The following NCAM2 variants were observed in gnomAD, a reference collection of about 807,000 sequenced individuals.
NCAM2 encodes the protein N-CAM-2.
In NCAM2, 30 loss-of-function variants were observed where a neutral mutation model predicts 98.1. That is an observed-to-expected ratio of 0.31 (90% CI 0.23 to 0.41). The LOEUF (loss-of-function observed/expected upper bound fraction) is 0.41, where lower values mean the gene tolerates loss of function less well. Ranked by LOEUF, NCAM2 falls within the 10% of genes least tolerant of loss-of-function variation. NCAM2 has a pLI of 1.00. For synonymous variants in NCAM2, 368 were observed against 342.4 expected (o/e 1.07, Z -0.83); for missense variants, 867 against 1,005.8 (o/e 0.86, Z 1.87).
chr21:21,168,885 C>T (rs1838203434), intron 1 of NCAM2, among the ~76,000 whole-genome samples: 1 of 151,932 alleles, frequency 6.6e-6, no homozygotes, highest in Admixed American at 6.6e-5. Context: ...TCTATAGATT[C>T]AACATAATCT....
intron 1 of NCAM2, among the ~76,000 whole-genome samples, chr21:21,241,086 G>A (rs889495252): frequency 1.3e-5 from 2 of 152,042 alleles, no homozygotes; most frequent in Non-Finnish European, 2.9e-5. Flanking sequence ...GTATCTTGAA[G>A]ACTATAATAT....
intron 16 of NCAM2, among the ~76,000 whole-genome samples, chr21:21,531,229 T>G (rs2146418955): frequency 6.6e-6 from 1 of 152,338 alleles, no homozygotes; most frequent in South Asian, 2.1e-4. Context: ...ATTTATTACA[T>G]GAAAGTTTAT....
intron 15 of NCAM2, among the ~76,000 whole-genome samples, chr21:21,491,065 C>T (rs1249972951): frequency 6.6e-6 from 1 of 151,722 alleles, no homozygotes; most frequent in Non-Finnish European, 1.5e-5. Context: ...AAATTTAATA[C>T]AAACATTTAT....
intron 5 of NCAM2, among the ~76,000 whole-genome samples, chr21:21,322,127 A>C (rs574806063): frequency 2.1e-4 from 32 of 152,286 alleles, no homozygotes; most frequent in Non-Finnish European, 3.5e-4. Context: ...TACACTGCAA[A>C]AAACAAACAA....
intron 12 of NCAM2, among the ~76,000 whole-genome samples, chr21:21,444,753 T>C (rs1979839811): frequency 6.6e-6 from 1 of 152,000 alleles, no homozygotes; most frequent in East Asian, 1.9e-4. Flanking sequence ...GTTAGTGGTC[T>C]ATCTATTTTG....
chr21:21,184,092 A>G (rs1351251958), intron 1 of NCAM2, among the ~76,000 whole-genome samples: 1 of 151,962 alleles, frequency 6.6e-6, no homozygotes, highest in Non-Finnish European at 1.5e-5. Context: ...TTACTTGGGG[A>G]ATGTGTTTGG....
At chr21:21,363,264 A>T (rs573197770) in intron 8 of NCAM2, among the ~76,000 whole-genome samples, 1 of 152,240 alleles carries the variant, frequency 6.6e-6, no homozygotes, top group South Asian at 2.1e-4. Context: ...AACATTTTGG[A>T]GATTTATTGT....
chr21:21,008,032 G>A (rs1172290854), intron 1 of NCAM2, among the ~76,000 whole-genome samples: 1 of 152,128 alleles, frequency 6.6e-6, no homozygotes, highest in East Asian at 1.9e-4. Context: ...GAGAGCAGTT[G>A]AGTTTCTATG....
Position 21,148,623 on chromosome 21 carries a change from G to A in NCAM2, c.56-131955G>A, listed in dbSNP as rs1183082311. On this transcript the variant is annotated intron_variant, in intron 1 of 17. Coordinates refer to ENST00000400546, the MANE Select transcript of NCAM2 (RefSeq NM_004540.5). ...CTTCAAAAGTAGATAAGAATCCTAG[G>A]CCTGAAGCTTTTTTTGAGAGACGCT... is the stretch of plus-strand genomic sequence containing the variant. 4.6e-5 allele frequency among the ~76,000 whole-genome samples: 7 copies of A among 152,042 alleles called. No homozygotes were observed. The East Asian group carries it at 1.3e-3, about 29-fold the overall frequency.
intron 1 of NCAM2, 87 bp from the exon 2 acceptor site, chr21:21,280,491 T>A: frequency 1.1e-6 from 1 of 875,440 alleles, no homozygotes; most frequent in Non-Finnish European, 1.8e-6. Flanking sequence ...AATCAGCGTT[T>A]GGACCATGTG....
intron 5 of NCAM2, among the ~76,000 whole-genome samples, chr21:21,313,106 A>G (rs1307621670): frequency 6.6e-6 from 1 of 151,868 alleles, no homozygotes; most frequent in Non-Finnish European, 1.5e-5. Context: ...AATATGTGTC[A>G]TCTCTCCTTT....
chr21:21,217,695 T>C (rs971552070), intron 1 of NCAM2, among the ~76,000 whole-genome samples: 2 of 152,198 alleles, frequency 1.3e-5, no homozygotes, highest in East Asian at 3.9e-4. Flanking sequence ...GTGGATCCAG[T>C]GTAGTCACAT....
intron 15 of NCAM2, among the ~76,000 whole-genome samples, chr21:21,507,621 G>A (rs1988067498): frequency 6.6e-6 from 1 of 151,648 alleles, no homozygotes; most frequent in African/African-American, 2.4e-5. Flanking sequence ...GTGAAACCCC[G>A]TTTCTACTAA....
At chr21:21,455,431 G>A (rs532419074) in intron 12 of NCAM2, among the ~76,000 whole-genome samples, 22 of 151,612 alleles carry the variant, frequency 1.5e-4, no homozygotes, top group Admixed American at 4.6e-4. Flanking sequence ...AATTTAGGAG[G>A]AGATCCAATA....
chr21:21,408,706 G>A (rs73324842), intron 9 of NCAM2, among the ~76,000 whole-genome samples: 2,699 of 152,056 alleles, frequency 0.018, 88 homozygotes, highest in African/African-American at 0.062. Flanking sequence ...TCTTAACTCA[G>A]ATCCCTTTTC....
intron 1 of NCAM2, among the ~76,000 whole-genome samples, chr21:21,215,158 C>A (rs1055384011): frequency 6.6e-6 from 1 of 151,816 alleles, no homozygotes; most frequent in Non-Finnish European, 1.5e-5. Flanking sequence ...GGGAGCCAAC[C>A]CAGATGCCCC....
At chr21:21,019,811 T>G (rs1317357461) in intron 1 of NCAM2, among the ~76,000 whole-genome samples, 1 of 152,182 alleles carries the variant, frequency 6.6e-6, no homozygotes, top group Non-Finnish European at 1.5e-5. Context: ...TTCGCATACT[T>G]CGCTAAGTGC....
At chr21:21,207,612 A>G (rs918491534) in intron 1 of NCAM2, among the ~76,000 whole-genome samples, 4 of 152,136 alleles carry the variant, frequency 2.6e-5, no homozygotes, top group African/African-American at 7.2e-5. Context: ...GCTTATAAAA[A>G]TCTCTGACCT....
At chr21:21,007,659 T>A (rs999211800) in intron 1 of NCAM2, among the ~76,000 whole-genome samples, 2 of 152,134 alleles carry the variant, frequency 1.3e-5, no homozygotes, top group African/African-American at 4.8e-5. Context: ...TCTTTTAGCA[T>A]GTGAATGCGT....
Sources: allele counts gnomAD v4.1 joint callset (sites outside exome capture counted in the v4.1 genomes callset), GRCh38; gene constraint gnomAD v4.1.1; transcripts MANE v1.5; gene names NCBI Gene and HGNC (gene_info 2026-07-23, HGNC 2026-07-21).